The following MAPK10 variants were observed in gnomAD, a reference collection of about 807,000 sequenced individuals.
The protein encoded by MAPK10 is JNK3 alpha protein kinase.
MAPK10 carries 25 observed loss-of-function variants against 59.3 expected under a neutral mutation model. That is an observed-to-expected ratio of 0.42 (90% CI 0.31 to 0.59). MAPK10 has a LOEUF of 0.59. Among genes scored for constraint, MAPK10 ranks in the 20% least tolerant of loss-of-function variants. MAPK10 has a pLI of 0.15. For missense variants in MAPK10, 351 were observed against 568.9 expected (o/e 0.62, Z 3.90); for synonymous variants, 190 against 200.5 (o/e 0.95, Z 0.44).
At chr4:86,413,511 A>G (rs1336882539) in intron 1 of MAPK10, among the ~76,000 whole-genome samples, 2 of 152,146 alleles carry the variant, frequency 1.3e-5, no homozygotes, top group African/African-American at 4.8e-5. Flanking sequence ...CCCTGCCCCC[A>G]GAGGTGGAAT....
intron 2 of MAPK10, among the ~76,000 whole-genome samples, chr4:86,286,878 G>A (rs558965745): frequency 7.2e-5 from 11 of 152,176 alleles, no homozygotes; most frequent in Non-Finnish European, 8.8e-5. Context: ...CCTCACAGAA[G>A]AGAAGTTTAA....
intron 13 of MAPK10, among the ~76,000 whole-genome samples, chr4:86,018,355 CA>C (rs34741254): frequency 0.21 from 29,730 of 140,840 alleles, 3,009 homozygotes; most frequent in East Asian, 0.28. Context: ...ATGAAAGTTA[CA>C]AAAAAAAAAA....
chr4:86,197,548 C>A (rs1263491286), intron 2 of MAPK10, among the ~76,000 whole-genome samples: 1 of 152,078 alleles, frequency 6.6e-6, no homozygotes, highest in African/African-American at 2.4e-5. Context: ...CTCAGAACTT[C>A]AGTTCTTAAA....
chr4:86,544,062 T>G (rs1313421457), intron 1 of MAPK10, among the ~76,000 whole-genome samples: 1 of 152,178 alleles, frequency 6.6e-6, no homozygotes, highest in Non-Finnish European at 1.5e-5. Flanking sequence ...GTGTTGCTCA[T>G]GTGGAGGGAG....
At chr4:86,559,736 C>T (rs977403046) in intron 1 of MAPK10, among the ~76,000 whole-genome samples, 6 of 151,938 alleles carry the variant, frequency 3.9e-5, no homozygotes, top group Admixed American at 2.0e-4. Context: ...ATCAAGAGAT[C>T]GAGACCATCC....
intron 2 of MAPK10, among the ~76,000 whole-genome samples, chr4:86,342,163 G>A (rs1210163337): frequency 2.0e-5 from 3 of 152,170 alleles, no homozygotes; most frequent in Non-Finnish European, 2.9e-5. Flanking sequence ...GGAAAAGTCA[G>A]AATAATGATG....
At chr4:86,020,150 G>C (rs985835697) in intron 13 of MAPK10, 1 of 152,146 alleles carries the variant, frequency 6.6e-6, no homozygotes, top group Non-Finnish European at 1.5e-5. Flanking sequence ...TGCCTGTTCT[G>C]AACATTTCAT....
chr4:86,026,263 T>C (rs1750165933), intron 13 of MAPK10, among the ~76,000 whole-genome samples: 1 of 152,230 alleles, frequency 6.6e-6, no homozygotes, highest in East Asian at 1.9e-4. Flanking sequence ...TCAGATGCTC[T>C]CCTGTATTTT....
At chr4:86,548,924 T>G (rs1003817286) in intron 1 of MAPK10, among the ~76,000 whole-genome samples, 1 of 152,218 alleles carries the variant, frequency 6.6e-6, no homozygotes, top group African/African-American at 2.4e-5. Context: ...TTTGTAACAC[T>G]GTAAGGCCCG....
chr4:86,362,139 A>AT (rs1271980373), upstream of MAPK10, among the ~76,000 whole-genome samples: 2 of 152,170 alleles, frequency 1.3e-5, no homozygotes, highest in African/African-American at 4.8e-5. Context: ...ACATCACATT[A>AT]TACCCCATAA....
At chr4:86,435,353 C>T (rs1055800955) in intron 1 of MAPK10, among the ~76,000 whole-genome samples, 1 of 151,738 alleles carries the variant, frequency 6.6e-6, no homozygotes, top group Non-Finnish European at 1.5e-5. Context: ...AAAAATTTAC[C>T]GGGCATCGTG....
chr4:86,271,178 T>C (rs2094423825), intron 2 of MAPK10, among the ~76,000 whole-genome samples: 1 of 151,986 alleles, frequency 6.6e-6, no homozygotes, highest in Admixed American at 6.6e-5. Flanking sequence ...ATCACCAACA[T>C]TTAATATCGT....
rs558722317 is a variant in MAPK10, at chr4:86,488,900, T to C, written c.-263+105010A>G. ...CCCATCAAGAGATACCTTTTGAATC[T>C]GGGTTTGGCCACAGGACCGGCCAAA... On this transcript the variant is annotated intron_variant, in intron 1 of 4. Transcript: ENST00000502302. Among the ~76,000 whole-genome samples the C allele has an allele frequency of 7.0e-4, 106 of 152,214 alleles. 4 individuals carry two copies. The highest frequency in any genetic ancestry group is 1.9e-4 in the Non-Finnish European group (13 of 68,036).
At chr4:86,512,823 A>G (rs905747197) in intron 1 of MAPK10, among the ~76,000 whole-genome samples, 3 of 152,218 alleles carry the variant, frequency 2.0e-5, no homozygotes, top group African/African-American at 7.2e-5. Context: ...AGAAAGTTAA[A>G]CAAACCACCT....
At chr4:86,225,467 TTG>T (rs1176490635) in intron 2 of MAPK10, among the ~76,000 whole-genome samples, 1 of 152,118 alleles carries the variant, frequency 6.6e-6, no homozygotes, top group Non-Finnish European at 1.5e-5. Flanking sequence ...TCCTGAAAGC[TTG>T]TGTGTGGTTC....
At chr4:86,471,275 C>CAAAAA (rs60423060) in intron 1 of MAPK10, among the ~76,000 whole-genome samples, 4 of 96,858 alleles carry the variant, frequency 4.1e-5, no homozygotes, top group South Asian at 4.0e-4. Context: ...TGCCCCCCTG[C>CAAAAA]AAAAAAAAAA....
intron 2 of MAPK10, among the ~76,000 whole-genome samples, chr4:86,348,711 T>C (rs1258055463): frequency 1.3e-5 from 2 of 152,214 alleles, no homozygotes; most frequent in African/African-American, 4.8e-5. Context: ...ATCTACTCTT[T>C]GGTCTCTTAG....
chr4:86,243,606 T>C (rs1361466107), intron 2 of MAPK10, among the ~76,000 whole-genome samples: 2 of 152,114 alleles, frequency 1.3e-5, no homozygotes, highest in African/African-American at 4.8e-5. Flanking sequence ...AACATGCCCT[T>C]TCCTCAGCCT....
At chr4:86,284,094 T>G (rs2094916169) in intron 2 of MAPK10, among the ~76,000 whole-genome samples, 1 of 152,218 alleles carries the variant, frequency 6.6e-6, no homozygotes, top group Non-Finnish European at 1.5e-5. Context: ...TAATAGCTAT[T>G]ATTTATTGAG....
Sources: allele counts gnomAD v4.1 joint callset (sites outside exome capture counted in the v4.1 genomes callset), GRCh38; gene constraint gnomAD v4.1.1; transcripts MANE v1.5; gene names NCBI Gene and HGNC (gene_info 2026-07-23, HGNC 2026-07-21).